The following SCARB2 variants were observed in gnomAD, a reference collection of about 807,000 sequenced individuals.
SCARB2 encodes lysosome membrane protein 2.
Under a neutral mutation model 58.6 loss-of-function variants are expected in SCARB2, and 29 were observed. The observed-to-expected ratio is 0.49, with a 90% CI of 0.37 to 0.67. SCARB2 has a LOEUF of 0.67. SCARB2 is among the 30% of genes least tolerant of loss of function. SCARB2 has a pLI of 0.00. For missense variants in SCARB2, 488 were observed against 578.5 expected (o/e 0.84, Z 1.60); for synonymous variants, 195 against 210.1 (o/e 0.93, Z 0.62).
At chr4:76,174,445 G>A in intron 6 of SCARB2, 132 bp from the exon 7 acceptor site, 1 of 774,474 alleles carries the variant, frequency 1.3e-6, no homozygotes, top group Non-Finnish European at 2.2e-6. Context: ...AGGAATGTTT[G>A]GAAGGCATTC....
At chr4:76,219,708 C>A (rs1268612224) in intron 1 of SCARB2, among the ~76,000 whole-genome samples, 2 of 151,702 alleles carry the variant, frequency 1.3e-5, no homozygotes, top group East Asian at 3.9e-4. Context: ...GATATTTGGC[C>A]AGAGATAGGG....
intron 1 of SCARB2, among the ~76,000 whole-genome samples, chr4:76,226,650 A>G (rs1212575026): frequency 6.6e-6 from 1 of 152,170 alleles, no homozygotes; most frequent in African/African-American, 2.4e-5. Flanking sequence ...ACGTTATGTC[A>G]GACAAACAAG....
chr4:76,229,103 T>C (rs1038784917), intron 1 of SCARB2, among the ~76,000 whole-genome samples: 2 of 152,208 alleles, frequency 1.3e-5, no homozygotes, highest in Non-Finnish European at 2.9e-5. Context: ...TGAAATTCTT[T>C]CTTCTACTTG....
chr4:76,200,850 G>A (rs1179281524), intron 1 of SCARB2, among the ~76,000 whole-genome samples: 1 of 152,030 alleles, frequency 6.6e-6, no homozygotes, highest in Non-Finnish European at 1.5e-5. Flanking sequence ...CTACCCCAAG[G>A]CACATTTCAT....
chr4:76,229,892 G>A (rs1351232901), intron 1 of SCARB2, among the ~76,000 whole-genome samples: 1 of 152,144 alleles, frequency 6.6e-6, no homozygotes, highest in Non-Finnish European at 1.5e-5. Flanking sequence ...AGTGAAATTA[G>A]GTGTTGTTTT....
intron 2 of SCARB2, chr4:76,184,785 CAAAA>C (rs35947779): frequency 6.5e-5 from 21 of 323,768 alleles, no homozygotes; most frequent in East Asian, 2.1e-4. Flanking sequence ...TTGTCTCTAC[CAAAA>C]AAAAAAAAAA....
chr4:76,213,703 G>A lies in SCARB2; in HGVS notation c.-160C>T. ...CGTGCGCGCAGCTCTGGGCTCCGCGGCCTGGCGAGCGCGGCCCCGGGTGCA... is the reference window on the plus strand; with the variant it reads ...CGTGCGCGCAGCTCTGGGCTCCGCGACCTGGCGAGCGCGGCCCCGGGTGCA... On this transcript the variant is annotated 5_prime_UTR_variant, in exon 1 of 12. Coordinates refer to ENST00000264896, the MANE Select transcript of SCARB2 (RefSeq NM_005506.4). 2 of 556,716 alleles carry A rather than the reference G, an allele frequency of 3.6e-6. No individual in the cohort carries two copies. Among genetic ancestry groups the A allele is most frequent in the South Asian group, 2.3e-5 (1 of 44,292 alleles). 34.5% of individuals were successfully genotyped at this position (556,716 alleles called of 1,614,324 possible).
At chr4:76,174,381 G>A in intron 6 of SCARB2, 68 bp from the exon 7 acceptor site, 1 of 1,423,368 alleles carries the variant, frequency 7.0e-7, no homozygotes, top group Non-Finnish European at 9.9e-7. Flanking sequence ...AAATCCGCAA[G>A]TTAGCAACAG....
chr4:76,171,622 G>A (rs1732131131), intron 7 of SCARB2, among the ~76,000 whole-genome samples: 1 of 152,178 alleles, frequency 6.6e-6, no homozygotes, highest in Non-Finnish European at 1.5e-5. Context: ...GTTGATTCTG[G>A]CATCAGCTTC....
chr4:76,174,457 G>T (rs1732205362), intron 6 of SCARB2, 144 bp from the exon 7 acceptor site: 3 of 718,128 alleles, frequency 4.2e-6, no homozygotes, highest in Admixed American at 2.0e-5. Flanking sequence ...AAGGCATTCT[G>T]TCAACTCAAC....
At chr4:76,189,030 A>G (rs1732546515) in intron 2 of SCARB2, among the ~76,000 whole-genome samples, 1 of 152,216 alleles carries the variant, frequency 6.6e-6, no homozygotes, top group Non-Finnish European at 1.5e-5. Context: ...CATTACTTTT[A>G]AATACTTTTT....
chr4:76,191,788 T>G (rs1732613113), intron 2 of SCARB2: 1 of 151,124 alleles, frequency 6.6e-6, no homozygotes, highest in African/African-American at 2.4e-5. Flanking sequence ...TCTTTTTTTT[T>G]GAGACAGGGC....
At chr4:76,214,385 CA>C, upstream of SCARB2, 5 of 424,604 alleles carry the variant, frequency 1.2e-5, no homozygotes, top group East Asian at 7.6e-5. Context: ...GGAAGATGTG[CA>C]AAAAAGGGAG....
chr4:76,179,437 A>G, intron 4 of SCARB2, 80 bp downstream of exon 4: 1 of 992,532 alleles, frequency 1.0e-6, no homozygotes, highest in Non-Finnish European at 1.6e-6. Context: ...TCTAGAAGAA[A>G]CTCAAAGTTA....
In SCARB2 at chr4:76,213,601, G is replaced by A. The variant is rs185028681; in HGVS notation, c.-58C>T. 15 of 1,425,722 alleles carry A rather than the reference G, an allele frequency of 1.1e-5. No homozygotes were observed. The highest frequency in any genetic ancestry group is 1.5e-5 in the Non-Finnish European group (15 of 1,016,674). 88.3% of individuals were successfully genotyped at this position (1,425,722 alleles called of 1,614,324 possible). A position where few individuals can be genotyped will look rare whatever the true frequency, so the allele number is the denominator to read the frequency against. On this transcript the variant is annotated 5_prime_UTR_variant, in exon 1 of 12. Transcript: ENST00000264896. ...CACCCGCCAGGGATCCAACTGCAAG[G>A]AGGGAGGAGCCGCCGCAGAGGCGTC...
At chr4:76,221,418 A>C (rs1163432563) in intron 1 of SCARB2, among the ~76,000 whole-genome samples, 1 of 152,160 alleles carries the variant, frequency 6.6e-6, no homozygotes, top group Non-Finnish European at 1.5e-5. Context: ...TCCTGGGTTC[A>C]AGCGGTTCTC....
rs1731909891 is a variant in SCARB2, at chr4:76,162,015, A to ATC, written c.1399-265_1399-264insGA. 7.4e-6 allele frequency: 4 copies of ATC among 542,638 alleles called. No homozygotes were observed. In the South Asian group the frequency reaches 8.3e-5, roughly 11 times the overall value. 33.6% of individuals were successfully genotyped at this position (542,638 alleles called of 1,614,324 possible). A position where few individuals can be genotyped will look rare whatever the true frequency, so the allele number is the denominator to read the frequency against. ...TGTGTTGATCTGGATTATAAAACTT[A>ATC]GACTCTATTCAACTTGCCTCCTTCC... is the stretch of plus-strand genomic sequence containing the variant. On this transcript the variant is annotated intron_variant, in intron 11 of 11. Transcript: ENST00000264896.
In SCARB2 at chr4:76,213,504, G is replaced by C. The variant is rs1304845331; in HGVS notation, c.40C>G (p.Leu14Val). Residue 14 changes from leucine (L) to valine (V), a missense_variant, in exon 1 of 12, where the codon CTG becomes GTG. By Grantham distance (32) the Leu-to-Val change is conservative. Transcript: ENST00000264896. Reference sequence around the variant, plus strand: ...GTGACGCTGGTCACCAGCAGGAGCAGGGACAACGTCCCCGCCGTGTAGAAG... The same window carrying C: ...GTGACGCTGGTCACCAGCAGGAGCACGGACAACGTCCCCGCCGTGTAGAAG... ...CCFYTAGTLS[L>V]LLLVTSVTLL... The C allele has an allele frequency of 6.2e-7, 1 of 1,611,094 alleles. No homozygotes were observed.
chr4:76,181,391 A>C (rs1732381531), intron 2 of SCARB2, among the ~76,000 whole-genome samples: 1 of 151,508 alleles, frequency 6.6e-6, no homozygotes, highest in Non-Finnish European at 1.5e-5. Context: ...AAGCCGATGA[A>C]CTCTCTCCTG....
Sources: allele counts gnomAD v4.1 joint callset (sites outside exome capture counted in the v4.1 genomes callset), GRCh38; gene constraint gnomAD v4.1.1; transcripts MANE v1.5; gene names NCBI Gene and HGNC (gene_info 2026-07-23, HGNC 2026-07-21).